The following CCDC178 variants were observed in gnomAD, a reference collection of about 807,000 sequenced individuals.
The protein encoded by CCDC178 is coiled-coil domain-containing protein 178.
CCDC178 carries 126 observed loss-of-function variants against 117.4 expected under a neutral mutation model. The observed-to-expected ratio is 1.07, with a 90% CI of 0.93 to 1.24. CCDC178 has a LOEUF of 1.24. Ranked by LOEUF, CCDC178 falls within the 50% of genes most tolerant of loss-of-function variation. The probability of loss-of-function intolerance (pLI) is 0.00; values close to 1 mark genes in which losing one functional copy is unlikely to be tolerated. For missense variants in CCDC178, 1,030 were observed against 986.9 expected (o/e 1.04, Z -0.59); for synonymous variants, 283 against 313.4 (o/e 0.90, Z 1.02).
chr18:33,416,001 C>A (rs373879760), intron 2 of CCDC178, among the ~76,000 whole-genome samples: 1 of 152,092 alleles, frequency 6.6e-6, no homozygotes, highest in Non-Finnish European at 1.5e-5. Flanking sequence ...CCCAGAAATG[C>A]CAATGGGTAT....
At chr18:33,304,699 G>C (rs1227593038) in intron 11 of CCDC178, among the ~76,000 whole-genome samples, 1 of 152,114 alleles carries the variant, frequency 6.6e-6, no homozygotes, top group Non-Finnish European at 1.5e-5. Flanking sequence ...GCTGAGACTA[G>C]TTAGAACCAA....
chr18:33,273,467 T>C (rs2144792324), intron 12 of CCDC178, among the ~76,000 whole-genome samples: 1 of 151,748 alleles, frequency 6.6e-6, no homozygotes, highest in African/African-American at 2.4e-5. Flanking sequence ...TCCTCATTGA[T>C]TTACAAAACT....
At position 33,333,578 on chromosome 18, in the gene CCDC178, C is replaced by T. The variant is rs548310653; in HGVS notation, c.659-184G>A. On this transcript the variant is annotated intron_variant, in intron 9 of 22. Coordinates refer to ENST00000383096, the MANE Select transcript of CCDC178 (RefSeq NM_001105528.4). ...TTGCCCAGGTTGGAGTGCAATGGCACGATCTTGGCTTACTGCAACCTCTGC... is the reference window on the plus strand; with the variant it reads ...TTGCCCAGGTTGGAGTGCAATGGCATGATCTTGGCTTACTGCAACCTCTGC... 3.0e-3 allele frequency among the ~76,000 whole-genome samples: 428 copies of T among 141,616 alleles called. 1 individual carries two copies. The highest frequency in any genetic ancestry group is 0.011 in the African/African-American group (414 of 37,518). The allele number at this position is 141,616 out of a possible 152,430, so 92.9% of individuals were successfully genotyped here.
intron 3 of CCDC178, among the ~76,000 whole-genome samples, chr18:33,409,773 A>G (rs1443304110): frequency 6.6e-6 from 1 of 152,166 alleles, no homozygotes; most frequent in East Asian, 1.9e-4. Context: ...GTGAAGCCAA[A>G]GTGACAAAAG....
At chr18:33,430,882 C>G (rs1029473423) in intron 2 of CCDC178, among the ~76,000 whole-genome samples, 2 of 150,904 alleles carry the variant, frequency 1.3e-5, no homozygotes, top group Non-Finnish European at 3.0e-5. Flanking sequence ...ACCAGCCTGG[C>G]CAACATGGTG....
intron 9 of CCDC178, among the ~76,000 whole-genome samples, chr18:33,337,268 T>A (rs543741827): frequency 1.5e-3 from 229 of 152,140 alleles, no homozygotes; most frequent in Non-Finnish European, 2.8e-3. Flanking sequence ...ATCCTGAAAC[T>A]CTGCTGAATT....
intron 21 of CCDC178, among the ~76,000 whole-genome samples, chr18:33,070,218 C>T (rs1315022552): frequency 6.6e-6 from 1 of 151,964 alleles, no homozygotes; most frequent in African/African-American, 2.4e-5. Context: ...AAAGGAATAC[C>T]TGCACCCGCA....
chr18:33,012,291 C>A (rs1422736873), intron 21 of CCDC178, among the ~76,000 whole-genome samples: 1 of 152,136 alleles, frequency 6.6e-6, no homozygotes, highest in Non-Finnish European at 1.5e-5. Flanking sequence ...TTTGTTTCTA[C>A]ATGCATACTA....
At chr18:33,158,887 C>T (rs1022845649) in intron 20 of CCDC178, among the ~76,000 whole-genome samples, 19 of 152,002 alleles carry the variant, frequency 1.2e-4, no homozygotes, top group Admixed American at 9.8e-4. Flanking sequence ...AGGCTTACCT[C>T]CCATTTTAAA....
chr18:33,294,893 TTGA>T (rs1199711226), intron 11 of CCDC178, among the ~76,000 whole-genome samples: 1 of 152,200 alleles, frequency 6.6e-6, no homozygotes, highest in Non-Finnish European at 1.5e-5. Flanking sequence ...TTCCAATTTT[TTGA>T]TGAAGTTGAT....
At chr18:33,046,060 T>G (rs1314725466) in intron 21 of CCDC178, among the ~76,000 whole-genome samples, 2 of 152,290 alleles carry the variant, frequency 1.3e-5, no homozygotes, top group East Asian at 1.9e-4. Context: ...AGAGGGAGAC[T>G]CCATCTCAAA....
At chr18:33,026,862 C>A (rs2056239734) in intron 21 of CCDC178, among the ~76,000 whole-genome samples, 1 of 151,744 alleles carries the variant, frequency 6.6e-6, no homozygotes, top group Non-Finnish European at 1.5e-5. Context: ...TATTTTTAGA[C>A]AAATAACTTC....
At chr18:33,166,759 A>C (rs377310742) in intron 20 of CCDC178, among the ~76,000 whole-genome samples, 2 of 152,178 alleles carry the variant, frequency 1.3e-5, no homozygotes, top group African/African-American at 4.8e-5. Flanking sequence ...CTTTTACGTA[A>C]AAATTCATAC....
At chr18:33,325,161 T>C (rs890561153) in intron 10 of CCDC178, among the ~76,000 whole-genome samples, 3 of 151,938 alleles carry the variant, frequency 2.0e-5, no homozygotes, top group Non-Finnish European at 2.9e-5. Context: ...AGCATTTTAA[T>C]GATTAATATG....
chr18:33,085,287 G>A (rs1334357914), intron 21 of CCDC178, among the ~76,000 whole-genome samples: 3 of 152,214 alleles, frequency 2.0e-5, no homozygotes. Flanking sequence ...TTTGGGGCCG[G>A]GTACGGTGGC....
chr18:33,241,385 G>A (rs1052240891), intron 15 of CCDC178, among the ~76,000 whole-genome samples: 2 of 150,900 alleles, frequency 1.3e-5, no homozygotes, highest in African/African-American at 4.9e-5. Context: ...CATCCAAACT[G>A]AAAAGGAGAA....
At chr18:33,153,310 G>C (rs897427270) in intron 20 of CCDC178, among the ~76,000 whole-genome samples, 28 of 151,666 alleles carry the variant, frequency 1.8e-4, no homozygotes, top group South Asian at 1.7e-3. Flanking sequence ...GAGGCAGAGG[G>C]CTCCTGATCT....
At chr18:33,185,086 G>C (rs1406804020) in intron 20 of CCDC178, among the ~76,000 whole-genome samples, 1 of 151,922 alleles carries the variant, frequency 6.6e-6, no homozygotes, top group East Asian at 1.9e-4. Flanking sequence ...ATATCTTTCA[G>C]GTGAATGTGG....
chr18:33,130,797 G>A (rs1003197076), intron 20 of CCDC178, among the ~76,000 whole-genome samples: 2 of 151,882 alleles, frequency 1.3e-5, no homozygotes, highest in African/African-American at 4.8e-5. Context: ...AGGTGACATA[G>A]GCAGGCTAAT....
Sources: allele counts gnomAD v4.1 joint callset (sites outside exome capture counted in the v4.1 genomes callset), GRCh38; gene constraint gnomAD v4.1.1; transcripts MANE v1.5; gene names NCBI Gene and HGNC (gene_info 2026-07-23, HGNC 2026-07-21).